Variants in KANSL1 observed in about 807,000 individuals in gnomAD.
The protein encoded by KANSL1 is KAT8 regulatory NSL complex subunit 1.
In KANSL1, 22 loss-of-function variants were observed where a neutral mutation model predicts 103.6. That is an observed-to-expected ratio of 0.21 (90% confidence interval 0.15 to 0.30). The LOEUF (loss-of-function observed/expected upper bound fraction) is 0.30, where lower values mean the gene tolerates loss of function less well. Among genes scored for constraint, KANSL1 ranks in the 10% least tolerant of loss-of-function variants. The probability of loss-of-function intolerance (pLI) is 1.00; values close to 1 mark genes in which losing one functional copy is unlikely to be tolerated. For missense variants in KANSL1, 1,337 were observed against 1,399.8 expected (o/e 0.96, Z 0.72); for synonymous variants, 600 against 527.6 (o/e 1.14, Z -1.88).
At chr17:46,091,036 C>CA (rs1183666888) in intron 3 of KANSL1, among the ~76,000 whole-genome samples, 3 of 152,212 alleles carry the variant, frequency 2.0e-5, no homozygotes, top group African/African-American at 7.2e-5. Flanking sequence ...CAGCCTCCAG[C>CA]AGGTCCTTCT....
intron 2 of KANSL1, among the ~76,000 whole-genome samples, chr17:46,154,529 G>A (rs927567832): frequency 3.9e-5 from 6 of 152,062 alleles, no homozygotes; most frequent in Non-Finnish European, 8.8e-5. Context: ...TGATCCCCCT[G>A]CCTCAGCATC....
intron 10 of KANSL1, chr17:46,035,990 T>C (rs2077135287): frequency 6.6e-6 from 1 of 151,168 alleles, no homozygotes; most frequent in Non-Finnish European, 1.5e-5. Flanking sequence ...TTCCCAAACT[T>C]GGTTGTATAT....
At chr17:46,087,798 T>C (rs1303998391) in intron 3 of KANSL1, among the ~76,000 whole-genome samples, 1 of 152,210 alleles carries the variant, frequency 6.6e-6, no homozygotes, top group African/African-American at 2.4e-5. Context: ...TATGCCACAA[T>C]AACACTTATT....
chr17:46,135,635 T>C lies in KANSL1; in HGVS notation c.1289+35220A>G, dbSNP rs369019558. On this transcript the variant is annotated intron_variant, in intron 2 of 14. Coordinates refer to ENST00000432791, the MANE Select transcript of KANSL1 (RefSeq NM_015443.4). ...TCATGGCTCATTTCAGCCTTGACTT[T>C]ACTGGCTCAAGCGAGCCTCCCAAGT... Among the ~76,000 whole-genome samples the C allele has an allele frequency of 4.7e-5, 7 of 150,104 alleles. No homozygotes were observed. In the South Asian group the frequency reaches 1.5e-3, roughly 32 times the overall value.
chr17:46,038,546 T>C lies in KANSL1; in HGVS notation c.2533A>G (p.Ser845Gly), dbSNP rs2077218510. 1.9e-6 allele frequency: 3 copies of C among 1,613,920 alleles called. No homozygotes were observed. The highest frequency in any genetic ancestry group is 2.5e-6 in the Non-Finnish European group (3 of 1,179,976). Residue 845 changes from serine to glycine, a missense_variant, in exon 10 of 15, where the codon AGC becomes GGC. Ser to Gly is a moderately conservative substitution (Grantham distance 56, BLOSUM62 0). Coordinates refer to ENST00000432791, the MANE Select transcript of KANSL1 (RefSeq NM_015443.4). ...PASSSSQVTASTSQQPVRRRR... is the reference protein window; with the variant it reads ...PASSSSQVTAGTSQQPVRRRR... ...CCCACACAGGTACTTACCGATGTGC[T>C]GGCTGTAACCTGTGAGCTAGAGCTG...
chr17:46,215,614 G>C (rs887499111), intron 1 of KANSL1, among the ~76,000 whole-genome samples: 5 of 152,220 alleles, frequency 3.3e-5, no homozygotes, highest in Non-Finnish European at 5.9e-5. Context: ...GTGGTGACTA[G>C]AATGGCACAA....
chr17:46,130,532 A>ATACAAACAG (rs1378363027), intron 2 of KANSL1, among the ~76,000 whole-genome samples: 5 of 147,594 alleles, frequency 3.4e-5, no homozygotes. Flanking sequence ...TGTTTCATAC[A>ATACAAACAG]TACAAACAGT....
intron 1 of KANSL1, among the ~76,000 whole-genome samples, chr17:46,184,346 T>C (rs1316026407): frequency 6.6e-6 from 1 of 152,224 alleles, no homozygotes; most frequent in African/African-American, 2.4e-5. Context: ...CCTCATTATG[T>C]ACTATAGTAA....
intron 2 of KANSL1, among the ~76,000 whole-genome samples, chr17:46,101,457 T>TTA (rs1294868292): frequency 3.9e-5 from 6 of 152,080 alleles, no homozygotes; most frequent in African/African-American, 1.4e-4. Context: ...TAGATAAGAA[T>TTA]AACAATTTAG....
At position 46,050,693 on chromosome 17, in the gene KANSL1, G is replaced by A. The variant is rs2077681138; in HGVS notation, c.1860C>T (p.Asn620=). Residue 620 remains asparagine, a synonymous_variant, in exon 7 of 15, where the codon AAC becomes AAT. Transcript: ENST00000432791. ...CATCACAGCCAGGGCGGATTGTGCT[G>A]TTCCGGTGAACCTGTGAAAAAAGCC... ...IVPLSKKVHR[N]STIRPGCDVN... is the part of the protein sequence containing the mutation. 1 of 1,610,704 alleles carries A rather than the reference G, an allele frequency of 6.2e-7. No individual in the cohort carries two copies.
intron 1 of KANSL1, among the ~76,000 whole-genome samples, chr17:46,185,690 T>C (rs1309927031): frequency 3.9e-4 from 26 of 66,026 alleles, no homozygotes; most frequent in African/African-American, 1.1e-3. Flanking sequence ...CACACACATA[T>C]ATACACACAC....
chr17:46,051,041 C>A (rs12150064), intron 6 of KANSL1, among the ~76,000 whole-genome samples: 21,807 of 152,252 alleles, frequency 0.14, 2,131 homozygotes, highest in Non-Finnish European at 0.22. Flanking sequence ...ACTTTATAAA[C>A]TCTGCATGCT....
chr17:46,217,553 A>G, intron 1 of KANSL1, among the ~76,000 whole-genome samples: 1 of 152,046 alleles, frequency 6.6e-6, no homozygotes, highest in Non-Finnish European at 1.5e-5. Flanking sequence ...TCCCAATATG[A>G]CTTGTCCTTA....
intron 2 of KANSL1, 86 bp downstream of exon 2, chr17:46,170,769 T>C (rs945217093): frequency 1.4e-6 from 2 of 1,398,496 alleles, no homozygotes; most frequent in East Asian, 4.7e-5. Flanking sequence ...GTACAAAGAA[T>C]CACATTCTCT....
chr17:46,191,340 G>A (rs2047311951), intron 1 of KANSL1, among the ~76,000 whole-genome samples: 1 of 152,174 alleles, frequency 6.6e-6, no homozygotes, highest in Non-Finnish European at 1.5e-5. Context: ...AACTGACAAC[G>A]CCTGTAGACA....
At chr17:46,086,214 T>C (rs1199395544) in intron 3 of KANSL1, among the ~76,000 whole-genome samples, 1 of 152,236 alleles carries the variant, frequency 6.6e-6, no homozygotes, top group East Asian at 1.9e-4. Context: ...GAAGAATTTT[T>C]CCTTAAACTA....
At chr17:46,061,052 G>A (rs1168786432) in intron 6 of KANSL1, among the ~76,000 whole-genome samples, 1 of 152,230 alleles carries the variant, frequency 6.6e-6, no homozygotes, top group South Asian at 2.1e-4. Flanking sequence ...TCAAGGGTAT[G>A]TTAGTAATAA....
chr17:46,032,394 G>T (rs1388930638), intron 13 of KANSL1, 95 bp from the exon 14 acceptor site: 1 of 1,085,228 alleles, frequency 9.2e-7, no homozygotes, highest in South Asian at 1.7e-5. Context: ...AGGAGTTGAG[G>T]CAAACAAACA....
At chr17:46,105,827 C>T (rs1293425532) in intron 2 of KANSL1, among the ~76,000 whole-genome samples, 2 of 150,736 alleles carry the variant, frequency 1.3e-5, no homozygotes, top group Admixed American at 6.6e-5. Context: ...GTCGAGACTG[C>T]GCCACTGTAC....
Sources: allele counts gnomAD v4.1 joint callset (sites outside exome capture counted in the v4.1 genomes callset), GRCh38; gene constraint gnomAD v4.1.1; transcripts MANE v1.5; gene names NCBI Gene and HGNC (gene_info 2026-07-23, HGNC 2026-07-21).